CARMIL1: variants seen among roughly 807,000 people sequenced by gnomAD.
CARMIL1 encodes the protein capping protein regulator and myosin 1 linker 1, also known as F-actin-uncapping protein LRRC16A.
A neutral mutation model predicts 177.1 loss-of-function variants in CARMIL1; 90 were observed. The ratio of observed to expected loss-of-function variants is 0.51; its 90% CI spans 0.43 to 0.61. CARMIL1 has a LOEUF of 0.61. Ranked by LOEUF, CARMIL1 falls within the 20% of genes least tolerant of loss-of-function variation. The pLI is 0.00. For missense variants in CARMIL1, 1,380 were observed against 1,667.0 expected, an observed-to-expected ratio of 0.83 and a Z score of 3.00; for synonymous variants, 577 against 606.2, an observed-to-expected ratio of 0.95 and a Z score of 0.71.
At chr6:25,387,830 G>A (rs926890359) in intron 2 of CARMIL1, among the ~76,000 whole-genome samples, 1 of 152,102 alleles carries the variant, frequency 6.6e-6, no homozygotes, top group Non-Finnish European at 1.5e-5. Flanking sequence ...GGAAAGCATC[G>A]TATGAAATAG....
At chr6:25,528,207 C>G (rs1028175177) in intron 23 of CARMIL1, among the ~76,000 whole-genome samples, 1 of 151,986 alleles carries the variant, frequency 6.6e-6, no homozygotes, top group African/African-American at 2.4e-5. Context: ...ATAATTCAGT[C>G]CTGTTTTTGA....
intron 11 of CARMIL1, among the ~76,000 whole-genome samples, chr6:25,477,155 T>C (rs1473522061): frequency 1.3e-5 from 2 of 150,528 alleles, no homozygotes; most frequent in East Asian, 3.9e-4. Flanking sequence ...TCTTAACAGT[T>C]AAGTGGCCAG....
At chr6:25,298,156 A>G (rs1782573500) in intron 2 of CARMIL1, among the ~76,000 whole-genome samples, 1 of 152,242 alleles carries the variant, frequency 6.6e-6, no homozygotes, top group Non-Finnish European at 1.5e-5. Context: ...AGTGCCTGGC[A>G]CATAGTAAGT....
At chr6:25,378,590 C>T (rs751871861) in intron 2 of CARMIL1, among the ~76,000 whole-genome samples, 1 of 152,152 alleles carries the variant, frequency 6.6e-6, no homozygotes, top group Non-Finnish European at 1.5e-5. Flanking sequence ...GAAAGCATGT[C>T]CAGTGCTACT....
rs1439444111 is a variant in CARMIL1, at chr6:25,379,823, C to CT, written c.139-40288dup. Among the ~76,000 whole-genome samples, 11 of 152,254 alleles carry CT rather than the reference C, an allele frequency of 7.2e-5. 1 individual carries two copies. The highest frequency in any genetic ancestry group is 5.9e-4 in the Admixed American group (9 of 15,300). ...CTTGCTTTTTCTGCCATTTCTTTTTCTTTAACATTACTTGTAACTCATTTT... is the reference window on the plus strand; with the variant it reads ...CTTGCTTTTTCTGCCATTTCTTTTTCTTTTAACATTACTTGTAACTCATTTT... On this transcript the variant is annotated intron_variant, in intron 2 of 36. Transcript: ENST00000329474.
intron 6 of CARMIL1, 124 bp from the exon 7 acceptor site, chr6:25,450,215 T>C (rs1399308504): frequency 6.5e-6 from 5 of 769,754 alleles, no homozygotes; most frequent in Non-Finnish European, 1.1e-5. Context: ...ATCTTTGCTG[T>C]TTTCCCCCCT....
At chr6:25,450,436 G>T in intron 7 of CARMIL1, 27 bp downstream of exon 7, 1 of 1,537,044 alleles carries the variant, frequency 6.5e-7, no homozygotes, top group South Asian at 1.1e-5. Flanking sequence ...ACATGTGCAT[G>T]AGCACACACA....
chr6:25,422,142 G>T (rs545539214), intron 3 of CARMIL1, among the ~76,000 whole-genome samples: 38 of 152,232 alleles, frequency 2.5e-4, no homozygotes, highest in African/African-American at 8.7e-4. Context: ...TACTTATTTA[G>T]ACTTTTTACT....
intron 2 of CARMIL1, among the ~76,000 whole-genome samples, chr6:25,340,777 GTTTTTT>G (rs34928775): frequency 2.2e-3 from 192 of 86,160 alleles, no homozygotes; most frequent in African/African-American, 6.9e-3. Flanking sequence ...GTCAATGAAG[GTTTTTT>G]TTTTTTTTTT....
intron 2 of CARMIL1, among the ~76,000 whole-genome samples, chr6:25,375,923 C>T (rs1254983133): frequency 6.6e-6 from 1 of 152,094 alleles, no homozygotes; most frequent in Non-Finnish European, 1.5e-5. Flanking sequence ...CTGATTTTTA[C>T]CTCTGTCTTG....
intron 24 of CARMIL1, among the ~76,000 whole-genome samples, chr6:25,537,432 C>T (rs975959724): frequency 6.6e-6 from 1 of 152,118 alleles, no homozygotes; most frequent in African/African-American, 2.4e-5. Context: ...CTCAGTGTTG[C>T]ACATTTTATT....
At chr6:25,451,442 T>G (rs1238503193) in intron 8 of CARMIL1, among the ~76,000 whole-genome samples, 3 of 152,188 alleles carry the variant, frequency 2.0e-5, no homozygotes, top group Non-Finnish European at 4.4e-5. Context: ...TGTATATGTG[T>G]ATGTTGGTGA....
chr6:25,576,652 A>G (rs1812614890), intron 29 of CARMIL1, among the ~76,000 whole-genome samples: 1 of 152,158 alleles, frequency 6.6e-6, no homozygotes, highest in Non-Finnish European at 1.5e-5. Context: ...CATCCCCCAA[A>G]TGAGGTTAAT....
chr6:25,469,030 A>G (rs1020984445), intron 9 of CARMIL1, among the ~76,000 whole-genome samples: 6 of 152,232 alleles, frequency 3.9e-5, no homozygotes, highest in Non-Finnish European at 8.8e-5. Flanking sequence ...TTGTATGTAC[A>G]TTGTGAGATA....
intron 36 of CARMIL1, among the ~76,000 whole-genome samples, chr6:25,617,128 C>T (rs1235447574): frequency 6.6e-6 from 1 of 152,154 alleles, no homozygotes; most frequent in Non-Finnish European, 1.5e-5. Context: ...CCTACAACCC[C>T]TGAGTCCTGG....
intron 29 of CARMIL1, among the ~76,000 whole-genome samples, chr6:25,578,291 G>A (rs1812784407): frequency 6.6e-6 from 1 of 152,176 alleles, no homozygotes; most frequent in Admixed American, 6.5e-5. Flanking sequence ...AGAGCTAACA[G>A]TGTTAAAGAA....
In CARMIL1 at chr6:25,494,450, C is replaced by A. The variant is rs1228526293; in HGVS notation, c.1221-661C>A. Among the ~76,000 whole-genome samples the A allele has an allele frequency of 6.6e-5, 10 of 152,256 alleles. No individual in the cohort carries two copies. In the East Asian group the frequency reaches 1.9e-3, roughly 29 times the overall value. ...CCCTTATCATATAGTGTTGATGCTA[C>A]CTTATTATTGAGCTGTATGATTTGA... is the stretch of plus-strand genomic sequence containing the variant. On this transcript the variant is annotated intron_variant, in intron 15 of 36. Transcript: ENST00000329474.
Position 25,515,543 on chromosome 6 carries a change from C to A in CARMIL1, c.1633-132C>A. 1.3e-6 allele frequency: 1 copy of A among 782,266 alleles called. No individual in the cohort carries two copies. The highest frequency in any genetic ancestry group is 1.9e-6 in the Non-Finnish European group (1 of 520,178). The allele number at this position is 782,266 out of a possible 1,614,324, so 48.5% of individuals were successfully genotyped here. On this transcript the variant is annotated intron_variant, in intron 20 of 36. Coordinates refer to ENST00000329474, the MANE Select transcript of CARMIL1 (RefSeq NM_017640.6). This position sits in a 1 kb window ranked among gnomAD's most constrained non-coding sequence, Gnocchi z 5.0. ...ACCTTAAGTTTCTATCCACGAGTGT[C>A]TTTTAGGTAGTAGTTCTAAAATCAG...
intron 28 of CARMIL1, among the ~76,000 whole-genome samples, chr6:25,555,659 A>C (rs1272611519): frequency 1.3e-5 from 2 of 152,112 alleles, no homozygotes; most frequent in Non-Finnish European, 2.9e-5. Flanking sequence ...AGCCTCCCAA[A>C]GTGCTGGGAT....
Sources: allele counts gnomAD v4.1 joint callset (sites outside exome capture counted in the v4.1 genomes callset), GRCh38; gene constraint gnomAD v4.1.1; non-coding constraint Gnocchi (gnomAD v3.1); transcripts MANE v1.5; gene names NCBI Gene and HGNC (gene_info 2026-07-23, HGNC 2026-07-21).